MGAT4C: variants seen among roughly 807,000 people sequenced by gnomAD.
MGAT4C encodes the protein MGAT4 family member C, also known as alpha-1,3-mannosyl-glycoprotein 4-beta-N-acetylglucosaminyltransferase C.
Under a neutral mutation model 40.1 loss-of-function variants are expected in MGAT4C, and 19 were observed. That is an observed-to-expected ratio of 0.47 (90% CI 0.33 to 0.70). The LOEUF is 0.70. Ranked by LOEUF, MGAT4C falls within the 30% of genes least tolerant of loss-of-function variation. The pLI is 0.02. For missense variants in MGAT4C, 491 were observed against 563.2 expected (o/e 0.87, Z 1.30); for synonymous variants, 181 against 187.1 (o/e 0.97, Z 0.27).
At chr12:86,293,450 G>A (rs1274077506) in intron 4 of MGAT4C, among the ~76,000 whole-genome samples, 2 of 151,930 alleles carry the variant, frequency 1.3e-5, no homozygotes, top group East Asian at 3.9e-4. Flanking sequence ...TAATAGGAAG[G>A]CAAAATTCAA....
At chr12:86,685,120 T>C (rs371335808) in intron 2 of MGAT4C, among the ~76,000 whole-genome samples, 1 of 152,190 alleles carries the variant, frequency 6.6e-6, no homozygotes, top group Non-Finnish European at 1.5e-5. Context: ...CATATCTATG[T>C]CCTGAATGGT....
At chr12:86,448,119 C>T (rs1488858877) in intron 2 of MGAT4C, among the ~76,000 whole-genome samples, 1 of 152,182 alleles carries the variant, frequency 6.6e-6, no homozygotes. Context: ...CCAAGTGCCT[C>T]CCATTTCCCT....
intron 2 of MGAT4C, among the ~76,000 whole-genome samples, chr12:86,014,605 T>C (rs1169566752): frequency 6.6e-6 from 1 of 152,144 alleles, no homozygotes. Context: ...GGCTTTCCCC[T>C]GACCTCATAA....
chr12:86,200,216 A>G (rs1950000157), intron 1 of MGAT4C, among the ~76,000 whole-genome samples: 1 of 117,098 alleles, frequency 8.5e-6, no homozygotes, highest in African/African-American at 3.6e-5. Context: ...ATCATTGTTG[A>G]TTTTATTACT....
chr12:86,051,874 T>C (rs1892930665), intron 1 of MGAT4C, among the ~76,000 whole-genome samples: 1 of 151,596 alleles, frequency 6.6e-6, no homozygotes, highest in Non-Finnish European at 1.5e-5. Context: ...GGTTAGTTTT[T>C]TGTACTATTG....
At chr12:86,190,137 C>T (rs992286749) in intron 1 of MGAT4C, among the ~76,000 whole-genome samples, 21 of 151,874 alleles carry the variant, frequency 1.4e-4, no homozygotes, top group Non-Finnish European at 2.9e-4. Context: ...GGAATAAATG[C>T]CAAAATAAGA....
At chr12:86,833,801 T>C (rs546322398) in intron 1 of MGAT4C, among the ~76,000 whole-genome samples, 2 of 151,986 alleles carry the variant, frequency 1.3e-5, no homozygotes, top group Admixed American at 1.3e-4. Context: ...GTTAGCAGCC[T>C]GTGTTCTGGA....
At chr12:86,074,208 A>G (rs1054178042) in intron 1 of MGAT4C, among the ~76,000 whole-genome samples, 1 of 152,162 alleles carries the variant, frequency 6.6e-6, no homozygotes, top group Non-Finnish European at 1.5e-5. Context: ...AGGCCTCCCC[A>G]GCCATATGGA....
intron 2 of MGAT4C, among the ~76,000 whole-genome samples, chr12:86,478,333 C>T (rs1318699762): frequency 6.6e-6 from 1 of 152,078 alleles, no homozygotes; most frequent in Non-Finnish European, 1.5e-5. Flanking sequence ...TTGAGTTAGA[C>T]ACAATAGTAT....
At chr12:86,688,248 T>A (rs1950111224) in intron 2 of MGAT4C, among the ~76,000 whole-genome samples, 1 of 145,248 alleles carries the variant, frequency 6.9e-6, no homozygotes. Context: ...TCTTTGCACA[T>A]GAAATGGGTC....
At chr12:86,078,633 G>A (rs528611457) in intron 1 of MGAT4C, among the ~76,000 whole-genome samples, 1 of 152,268 alleles carries the variant, frequency 6.6e-6, no homozygotes, top group African/African-American at 2.4e-5. Flanking sequence ...CGCTGCTGCT[G>A]GCAAATTGGG....
At chr12:86,248,722 G>A (rs1270979933) in intron 1 of MGAT4C, among the ~76,000 whole-genome samples, 1 of 152,066 alleles carries the variant, frequency 6.6e-6, no homozygotes, top group Non-Finnish European at 1.5e-5. Context: ...CCACCTATCA[G>A]AATGCCTATA....
intron 2 of MGAT4C, among the ~76,000 whole-genome samples, chr12:86,461,820 AAGTC>A (rs1957606290): frequency 2.0e-5 from 3 of 152,182 alleles, no homozygotes; most frequent in Non-Finnish European, 4.4e-5. Flanking sequence ...TATACTGAGA[AAGTC>A]AGTTTTGTGC....
chr12:86,819,713 A>G (rs1234596748), intron 1 of MGAT4C, among the ~76,000 whole-genome samples: 4 of 150,874 alleles, frequency 2.7e-5, no homozygotes, highest in Admixed American at 6.6e-5. Flanking sequence ...CTTTTTTCGT[A>G]TAATAATTTG....
chr12:86,630,207 A>G (rs1251066452), intron 2 of MGAT4C, among the ~76,000 whole-genome samples: 1 of 152,204 alleles, frequency 6.6e-6, no homozygotes, highest in Non-Finnish European at 1.5e-5. Context: ...AACCAGGAAG[A>G]AGTTGACCCC....
At chr12:86,252,795 C>A (rs1257732627) in intron 1 of MGAT4C, among the ~76,000 whole-genome samples, 1 of 151,774 alleles carries the variant, frequency 6.6e-6, no homozygotes, top group Non-Finnish European at 1.5e-5. Context: ...CATACTATTA[C>A]CAGCAAATAA....
intron 2 of MGAT4C, among the ~76,000 whole-genome samples, chr12:86,642,355 T>C (rs1963416008): frequency 6.6e-6 from 1 of 151,800 alleles, no homozygotes; most frequent in Admixed American, 6.6e-5. Context: ...CAACACTTCA[T>C]GGAAAGAAAC....
At chr12:86,792,337 G>A (rs1178270042) in intron 1 of MGAT4C, among the ~76,000 whole-genome samples, 1 of 152,004 alleles carries the variant, frequency 6.6e-6, no homozygotes, top group Non-Finnish European at 1.5e-5. Flanking sequence ...ATGTATCCTT[G>A]AGCCAAAATT....
At chr12:86,565,006 C>T (rs1000309530) in intron 2 of MGAT4C, among the ~76,000 whole-genome samples, 1 of 152,140 alleles carries the variant, frequency 6.6e-6, no homozygotes, top group Admixed American at 6.5e-5. Flanking sequence ...GATTTTGGAA[C>T]AAGGTCCTAC....
Sources: gnomAD v4.1 joint callset for allele counts (sites outside exome capture counted in the v4.1 genomes callset) on GRCh38, gnomAD v4.1.1 for gene constraint, MANE v1.5 for transcripts, NCBI Gene and HGNC (gene_info 2026-07-23, HGNC 2026-07-21) for gene names.